Variants in SDK1 observed in about 807,000 individuals in gnomAD.
SDK1 encodes sidekick cell adhesion molecule 1, also known as protein sidekick-1.
A neutral mutation model predicts 245.5 loss-of-function variants in SDK1; 157 were observed. That is an observed-to-expected ratio of 0.64 (90% CI 0.56 to 0.73). The LOEUF (loss-of-function observed/expected upper bound fraction) is 0.73, where lower values mean the gene tolerates loss of function less well. Ranked by LOEUF, SDK1 falls within the 30% of genes least tolerant of loss-of-function variation. The pLI is 0.00. For synonymous variants in SDK1, 1,647 were observed against 1,278.5 expected, an observed-to-expected ratio of 1.29 and a Z score of -6.15; for missense variants, 3,583 against 3,002.3, an observed-to-expected ratio of 1.19 and a Z score of -4.52.
chr7:3,775,600 T>A (rs28711718), intron 4 of SDK1, among the ~76,000 whole-genome samples: 1 of 150,916 alleles, frequency 6.6e-6, no homozygotes, highest in East Asian at 1.9e-4. Context: ...GACAGAGTCT[T>A]GCTCTGTCGC....
intron 4 of SDK1, among the ~76,000 whole-genome samples, chr7:3,779,576 T>G (rs1780663838): frequency 6.6e-6 from 1 of 152,180 alleles, no homozygotes. Flanking sequence ...GCTTCTCCTT[T>G]TCTCTAATAC....
intron 1 of SDK1, among the ~76,000 whole-genome samples, chr7:3,570,412 A>G (rs1314128975): frequency 6.6e-6 from 1 of 152,042 alleles, no homozygotes; most frequent in African/African-American, 2.4e-5. Context: ...TTGCTTGCCC[A>G]CTGCTCACCT....
intron 13 of SDK1, among the ~76,000 whole-genome samples, chr7:3,977,866 G>T (rs555266618): frequency 6.6e-5 from 10 of 152,340 alleles, no homozygotes; most frequent in African/African-American, 2.2e-4. Context: ...CTGCGTGCAT[G>T]CATGAAGGAA....
intron 40 of SDK1, among the ~76,000 whole-genome samples, chr7:4,224,982 CAAAAAAAAAAAAAAAAA>C (rs3038664): frequency 1.3e-3 from 58 of 43,746 alleles, no homozygotes; most frequent in South Asian, 9.1e-3. Flanking sequence ...GACTCTGTCT[CAAAAAAAAAAAAAAAAA>C]AAAAAAAAAA....
intron 5 of SDK1, among the ~76,000 whole-genome samples, chr7:3,934,147 G>C (rs962228435): frequency 3.3e-5 from 5 of 152,212 alleles, no homozygotes; most frequent in Non-Finnish European, 7.3e-5. Context: ...TGTAGCAAGA[G>C]AAAATAACTT....
chr7:3,672,759 T>TTATATATATATATATATATATA (rs60760676), intron 4 of SDK1, among the ~76,000 whole-genome samples: 4 of 50,746 alleles, frequency 7.9e-5, no homozygotes, highest in South Asian at 7.1e-4. Context: ...ATATATAATT[T>TTATATATATATATATATATATA]TATATATATA....
chr7:4,035,423 T>C (rs1788139374), intron 17 of SDK1, among the ~76,000 whole-genome samples: 1 of 152,152 alleles, frequency 6.6e-6, no homozygotes. Context: ...CTTTGAAAGA[T>C]GGAAATTTGT....
At chr7:3,567,798 T>A (rs1474382252) in intron 1 of SDK1, among the ~76,000 whole-genome samples, 2 of 152,154 alleles carry the variant, frequency 1.3e-5, no homozygotes, top group Non-Finnish European at 2.9e-5. Flanking sequence ...ATTTTCTATT[T>A]TATTTATCTT....
In SDK1 at chr7:4,195,530, G is replaced by A. The variant is rs969181429; in HGVS notation, c.5099-10349G>A. Among the ~76,000 whole-genome samples the A allele has an allele frequency of 9.2e-5, 14 of 152,286 alleles. No individual in the cohort carries two copies. In the South Asian group the frequency reaches 1.5e-3, roughly 16 times the overall value. ...CCTGGGAGTCTCTTGGGGAACCCAG[G>A]CCTGCAATTCCCACTGTCTGCCTGG... is the stretch of plus-strand genomic sequence containing the variant. On this transcript the variant is annotated intron_variant, in intron 35 of 44. Transcript: ENST00000404826.
At chr7:3,939,637 AAAT>A (rs1356674557) in intron 5 of SDK1, among the ~76,000 whole-genome samples, 2 of 152,196 alleles carry the variant, frequency 1.3e-5, no homozygotes, top group Non-Finnish European at 2.9e-5. Context: ...TTTAAGAAAA[AAAT>A]AATAATGTAT....
chr7:4,106,889 G>T (rs1260332731), intron 22 of SDK1, among the ~76,000 whole-genome samples: 1 of 151,812 alleles, frequency 6.6e-6, no homozygotes, highest in East Asian at 1.9e-4. Flanking sequence ...TGCCCTGAGT[G>T]CCCAGTGCCT....
At chr7:3,981,749 CAGAG>C (rs1783417723) in intron 13 of SDK1, among the ~76,000 whole-genome samples, 1 of 152,144 alleles carries the variant, frequency 6.6e-6, no homozygotes, top group Admixed American at 6.5e-5. Flanking sequence ...TTTGTGAAGA[CAGAG>C]AGGTGAGGAA....
intron 4 of SDK1, among the ~76,000 whole-genome samples, chr7:3,673,266 A>C (rs137909897): frequency 5.3e-5 from 8 of 152,338 alleles, no homozygotes; most frequent in Middle Eastern, 3.4e-3. Flanking sequence ...TGCAGGAACA[A>C]ATCCCATGGG....
At chr7:3,338,877 A>C (rs1278454309) in intron 1 of SDK1, among the ~76,000 whole-genome samples, 1 of 152,216 alleles carries the variant, frequency 6.6e-6, no homozygotes, top group Non-Finnish European at 1.5e-5. Flanking sequence ...ATTATTAAAA[A>C]ATTGACATAA....
chr7:3,514,882 GCTCT>G (rs1044158414), intron 1 of SDK1, among the ~76,000 whole-genome samples: 4 of 152,128 alleles, frequency 2.6e-5, no homozygotes, highest in Non-Finnish European at 5.9e-5. Flanking sequence ...GCATGCGTGC[GCTCT>G]CTCTCTCTTT....
chr7:3,500,726 G>A (rs543902520), intron 1 of SDK1, among the ~76,000 whole-genome samples: 1 of 152,012 alleles, frequency 6.6e-6, no homozygotes, highest in Non-Finnish European at 1.5e-5. Context: ...TTTCATTAAT[G>A]ACTTCATCCT....
intron 4 of SDK1, among the ~76,000 whole-genome samples, chr7:3,797,186 C>T (rs888840907): frequency 5.3e-5 from 8 of 151,746 alleles, no homozygotes; most frequent in Non-Finnish European, 1.0e-4. Flanking sequence ...TTTAAATTTT[C>T]GTAGAGATGG....
At chr7:3,926,375 T>C (rs1583574163) in intron 5 of SDK1, among the ~76,000 whole-genome samples, 1 of 152,238 alleles carries the variant, frequency 6.6e-6, no homozygotes, top group Non-Finnish European at 1.5e-5. Context: ...GAGTCTGTTA[T>C]GTTTTGTCTA....
chr7:3,386,824 C>T (rs1325249911), intron 1 of SDK1, among the ~76,000 whole-genome samples: 2 of 152,066 alleles, frequency 1.3e-5, no homozygotes, highest in Non-Finnish European at 2.9e-5. Flanking sequence ...GGATGCTGCT[C>T]CTTCTTCAAC....
Sources: gnomAD v4.1 joint callset for allele counts (sites outside exome capture counted in the v4.1 genomes callset) on GRCh38, gnomAD v4.1.1 for gene constraint, MANE v1.5 for transcripts, NCBI Gene and HGNC (gene_info 2026-07-23, HGNC 2026-07-21) for gene names.